Variants in FRAS1 observed in about 807,000 individuals in gnomAD.
FRAS1 encodes the protein extracellular matrix organizing protein FRAS1.
FRAS1 carries 290 observed loss-of-function variants against 435.2 expected under a neutral mutation model. The observed-to-expected ratio is 0.67, with a 90% CI of 0.61 to 0.73. The LOEUF (loss-of-function observed/expected upper bound fraction) is 0.73, where lower values mean the gene tolerates loss of function less well. Among genes scored for constraint, FRAS1 ranks in the 30% least tolerant of loss-of-function variants. FRAS1 has a pLI of 0.00. For synonymous variants in FRAS1, 1,800 were observed against 1,851.0 expected, an observed-to-expected ratio of 0.97 and a Z score of 0.71; for missense variants, 4,860 against 5,001.5, an observed-to-expected ratio of 0.97 and a Z score of 0.85.
intron 2 of FRAS1, among the ~76,000 whole-genome samples, chr4:78,095,650 C>G (rs375105554): frequency 6.6e-6 from 1 of 152,198 alleles, no homozygotes; most frequent in East Asian, 1.9e-4. Flanking sequence ...TCACGTCTTA[C>G]GTGGATGGCA....
intron 2 of FRAS1, among the ~76,000 whole-genome samples, chr4:78,223,596 A>G (rs139673067): frequency 2.6e-4 from 40 of 152,260 alleles, no homozygotes; most frequent in African/African-American, 9.1e-4. Flanking sequence ...ACATGGGAAC[A>G]TATGGTATAG....
chr4:78,386,350 C>G (rs1344372458), intron 28 of FRAS1, among the ~76,000 whole-genome samples: 1 of 151,978 alleles, frequency 6.6e-6, no homozygotes, highest in East Asian at 1.9e-4. Flanking sequence ...TCATCTTTGA[C>G]TTTTCCTCTT....
chr4:78,501,090 A>G (rs1373254344), intron 61 of FRAS1, among the ~76,000 whole-genome samples: 1 of 152,102 alleles, frequency 6.6e-6, no homozygotes, highest in Admixed American at 6.6e-5. Flanking sequence ...TACATTAGGT[A>G]TTCCTCCCAG....
At chr4:78,489,509 C>A (rs1002607572) in intron 59 of FRAS1, among the ~76,000 whole-genome samples, 4 of 152,152 alleles carry the variant, frequency 2.6e-5, no homozygotes, top group Admixed American at 2.6e-4. Flanking sequence ...CTCACTGTCT[C>A]AGGAGTAGAG....
chr4:78,515,599 C>T (rs1373659654), intron 65 of FRAS1, among the ~76,000 whole-genome samples, 200 bp from the exon 66 acceptor site: 2 of 152,144 alleles, frequency 1.3e-5, no homozygotes, highest in Admixed American at 6.6e-5. Context: ...CTCCATTCAA[C>T]ACCTGGCAAC....
intron 32 of FRAS1, among the ~76,000 whole-genome samples, chr4:78,416,682 G>GTCACGCAGCATT (rs2110364908): frequency 6.6e-6 from 1 of 152,254 alleles, no homozygotes; most frequent in African/African-American, 2.4e-5. Flanking sequence ...GCTGGGGCAG[G>GTCACGCAGCATT]TCACGCAGCA....
In FRAS1 at chr4:78,513,437, C is replaced by T; in HGVS notation, c.10059C>T (p.Pro3353=). The T allele has an allele frequency of 1.2e-6, 2 of 1,613,898 alleles. No individual in the cohort carries two copies. The highest frequency in any genetic ancestry group is 1.7e-6 in the Non-Finnish European group (2 of 1,179,834). The change falls in exon 65 of 74, where the codon CCC becomes CCT. Residue 3353 remains proline (P), a synonymous_variant. Coordinates refer to ENST00000512123, the MANE Select transcript of FRAS1 (RefSeq NM_025074.7). ...TCCCACACCAGGATGGAATGCTGCC[C>T]CTTATCTCCACCATGCCGTTGCACA... ...VQIPHQDGML[P]LISTMPLHNL... is the part of the protein sequence containing the mutation.
chr4:78,214,120 G>T (rs1723637650), intron 2 of FRAS1, among the ~76,000 whole-genome samples: 1 of 152,166 alleles, frequency 6.6e-6, no homozygotes, highest in Admixed American at 6.5e-5. Context: ...GATTGATGTA[G>T]CTGAAAACAG....
intron 32 of FRAS1, among the ~76,000 whole-genome samples, chr4:78,416,998 AT>A (rs199510172): frequency 0.022 from 3,419 of 152,252 alleles, 142 homozygotes; most frequent in African/African-American, 0.077. Context: ...CAGATATACT[AT>A]TTTTAAAGTG....
At chr4:78,414,405 C>T (rs1474746343) in intron 32 of FRAS1, among the ~76,000 whole-genome samples, 1 of 152,180 alleles carries the variant, frequency 6.6e-6, no homozygotes, top group Non-Finnish European at 1.5e-5. Context: ...AGCCTTTAGG[C>T]GCTTAGGTTG....
chr4:78,389,171 T>G (rs1370224659), intron 29 of FRAS1, among the ~76,000 whole-genome samples: 1 of 152,246 alleles, frequency 6.6e-6, no homozygotes, highest in African/African-American at 2.4e-5. Flanking sequence ...CAAAACTAGT[T>G]GATGTTTCAC....
At position 78,315,646 on chromosome 4, in the gene FRAS1, C is replaced by T; in HGVS notation, c.1731C>T (p.Thr577=). The change falls in exon 16 of 74, where the codon ACC becomes ACT. Residue 577 remains threonine (T), a synonymous_variant. Coordinates refer to ENST00000512123, the MANE Select transcript of FRAS1 (RefSeq NM_025074.7). ...SCGPSSPRCL[T]CTEKTVLHDG... ...GCCCCAGTAGCCCCAGGTGTCTTAC[C>T]TGTACTGAGAAGACAGTGCTGCATG... 1 of 1,613,952 alleles carries T rather than the reference C, an allele frequency of 6.2e-7. No individual in the cohort carries two copies. The highest frequency in any genetic ancestry group is 8.5e-7 in the Non-Finnish European group (1 of 1,179,854).
chr4:78,090,724 A>AT (rs1310414258), intron 2 of FRAS1, among the ~76,000 whole-genome samples: 3 of 151,630 alleles, frequency 2.0e-5, no homozygotes, highest in Non-Finnish European at 2.9e-5. Context: ...ATGCCACAGG[A>AT]TTTTTTTTTC....
chr4:78,389,362 G>T (rs1005388106), intron 29 of FRAS1, among the ~76,000 whole-genome samples: 2 of 152,250 alleles, frequency 1.3e-5, no homozygotes, highest in South Asian at 4.1e-4. Context: ...TTTCTCATCA[G>T]TGATCACTCA....
At chr4:78,394,242 T>G (rs1732562143) in intron 29 of FRAS1, among the ~76,000 whole-genome samples, 1 of 152,026 alleles carries the variant, frequency 6.6e-6, no homozygotes. Context: ...TTATTTTTGC[T>G]TTTATTTCCC....
chr4:78,207,025 T>G (rs1172238271), intron 2 of FRAS1, among the ~76,000 whole-genome samples: 1 of 152,154 alleles, frequency 6.6e-6, no homozygotes, highest in Non-Finnish European at 1.5e-5. Context: ...TAGGCATCAG[T>G]TGAGATAAAG....
intron 31 of FRAS1, 145 bp downstream of exon 31, chr4:78,407,986 A>G: frequency 1.4e-6 from 1 of 697,308 alleles, no homozygotes. Context: ...GCTACTGATA[A>G]AGACATACCC....
rs760212654 is a variant in FRAS1, at chr4:78,252,556, G to A, written c.469+5G>A. On this transcript the variant is annotated splice_donor_5th_base_variant and intron_variant, in intron 5 of 73. Transcript: ENST00000512123. ...CAGTTTGTGTGGGCCTTGGGAGTGAGTATGAGCTTGTAGAAGGGGACCCTC... is the reference window on the plus strand; with the variant it reads ...CAGTTTGTGTGGGCCTTGGGAGTGAATATGAGCTTGTAGAAGGGGACCCTC... 1.2e-6 allele frequency: 2 copies of A among 1,610,412 alleles called. No homozygotes were observed. Among genetic ancestry groups the A allele is most frequent in the East Asian group, 4.5e-5 (2 of 44,794 alleles).
chr4:78,190,904 C>T (rs1459246380), intron 2 of FRAS1, among the ~76,000 whole-genome samples: 1 of 152,068 alleles, frequency 6.6e-6, no homozygotes, highest in Non-Finnish European at 1.5e-5. Context: ...GATAAAACAA[C>T]AAAAGATGTA....
Sources: gnomAD v4.1 joint callset for allele counts (sites outside exome capture counted in the v4.1 genomes callset) on GRCh38, gnomAD v4.1.1 for gene constraint, MANE v1.5 for transcripts, NCBI Gene and HGNC (gene_info 2026-07-23, HGNC 2026-07-21) for gene names.